Variants in PXDN observed in about 807,000 individuals in gnomAD.
PXDN encodes the protein peroxidasin, also known as peroxidasin homolog.
Under a neutral mutation model 140.3 loss-of-function variants are expected in PXDN, and 77 were observed. That is an observed-to-expected ratio of 0.55 (90% CI 0.46 to 0.66). The LOEUF is 0.66. Ranked by LOEUF, PXDN falls within the 30% of genes least tolerant of loss-of-function variation. PXDN has a pLI of 0.00. For missense variants in PXDN, 1,838 were observed against 2,039.5 expected, an observed-to-expected ratio of 0.90 and a Z score of 1.90; for synonymous variants, 911 against 857.4, an observed-to-expected ratio of 1.06 and a Z score of -1.09.
intron 15 of PXDN, 145 bp from the exon 16 acceptor site, chr2:1,653,930 G>A: frequency 5.0e-6 from 5 of 997,150 alleles, no homozygotes; most frequent in Middle Eastern, 2.5e-4. Context: ...CTCATCCGAA[G>A]TGGGAGGCAA....
intron 1 of PXDN, among the ~76,000 whole-genome samples, chr2:1,738,320 C>T (rs1685464116): frequency 6.6e-6 from 1 of 152,162 alleles, no homozygotes; most frequent in Non-Finnish European, 1.5e-5. Context: ...CAGCTCCAGG[C>T]CCTGAGTAGG....
Position 1,634,784 on chromosome 2 carries a change from G to A in PXDN, c.4321-461C>T, listed in dbSNP as rs111405802. Among the ~76,000 whole-genome samples the A allele has an allele frequency of 5.5e-4, 83 of 152,268 alleles. 1 individual carries two copies. The highest frequency in any genetic ancestry group is 1.7e-3 in the African/African-American group (69 of 41,540). On this transcript the variant is annotated intron_variant, in intron 22 of 22. Coordinates refer to ENST00000252804, the MANE Select transcript of PXDN (RefSeq NM_012293.3). Reference sequence around the variant, plus strand: ...CTGACCAGCTCAGGGACACTGATGCGCGTCCTCTCCCAATGGCCATGGCAA... The same window carrying A: ...CTGACCAGCTCAGGGACACTGATGCACGTCCTCTCCCAATGGCCATGGCAA...
rs1380293697 is a variant in PXDN at position 1,639,693 on chromosome 2, C to T, written c.3953-271G>A. On this transcript the variant is annotated intron_variant, in intron 19 of 22. Transcript: ENST00000252804. The surrounding 1 kb of genome is among the most constrained non-coding windows in gnomAD (Gnocchi z 5.0). ...GGCACACTGAGGAGGCTCACCACGC[C>T]ATCTAACCACACCCTCGCGGAGTTC... 6.6e-6 allele frequency among the ~76,000 whole-genome samples: 1 copy of T among 152,218 alleles called. No homozygotes were observed. Among genetic ancestry groups the T allele is most frequent in the Non-Finnish European group, 1.5e-5 (1 of 68,030 alleles).
chr2:1,679,088 A>ATGTGTGTGTGTGTG (rs111613941), intron 7 of PXDN, among the ~76,000 whole-genome samples: 3 of 147,952 alleles, frequency 2.0e-5, no homozygotes, highest in South Asian at 4.3e-4. Flanking sequence ...ATGTGCATGC[A>ATGTGTGTGTGTGTG]TGTGTGTGTG....
chr2:1,734,758 T>C (rs1464362775), intron 1 of PXDN, among the ~76,000 whole-genome samples: 2 of 152,146 alleles, frequency 1.3e-5, no homozygotes, highest in Admixed American at 6.5e-5. Flanking sequence ...TCTCAGCTAC[T>C]CGGGAGGCTG....
rs1331104329 is a variant in PXDN at position 1,658,085 on chromosome 2, T to TCCCC, written c.1837+2795_1837+2796insGGGG. ...CTCTCTCTCTCTCTCTCTCTCTCTCTCTCTCTCTGTTACAGTGTCTGCGTG... is the reference window on the plus strand; with the variant it reads ...CTCTCTCTCTCTCTCTCTCTCTCTCTCCCCCTCTCTCTGTTACAGTGTCTGCGTG... On this transcript the variant is annotated intron_variant, in intron 14 of 22. Transcript: ENST00000252804. Among the ~76,000 whole-genome samples, 9 of 122,242 alleles carry TCCCC rather than the reference T, an allele frequency of 7.4e-5. 2 individuals are homozygous for TCCCC. The highest frequency in any genetic ancestry group is 2.9e-4 in the African/African-American group (9 of 31,096). The allele number at this position is 122,242 out of a possible 152,430, so 80.2% of individuals were successfully genotyped here.
chr2:1,721,148 A>G (rs902576931), intron 1 of PXDN, among the ~76,000 whole-genome samples: 1 of 152,222 alleles, frequency 6.6e-6, no homozygotes, highest in African/African-American at 2.4e-5. Flanking sequence ...GTCTCAGCAC[A>G]TATCTGGGTG....
intron 9 of PXDN, among the ~76,000 whole-genome samples, chr2:1,666,853 G>A (rs74578503): frequency 0.04 from 6,109 of 152,156 alleles, 309 homozygotes; most frequent in East Asian, 0.13. Flanking sequence ...ACAAATTATT[G>A]TTAGGGAAGT....
At chr2:1,718,898 G>C (rs964906621) in intron 1 of PXDN, among the ~76,000 whole-genome samples, 1 of 152,258 alleles carries the variant, frequency 6.6e-6, no homozygotes, top group East Asian at 1.9e-4. Flanking sequence ...CCAGCAACTT[G>C]CCACAACTCC....
chr2:1,727,256 C>T (rs900256378), intron 1 of PXDN, among the ~76,000 whole-genome samples: 4 of 152,248 alleles, frequency 2.6e-5, no homozygotes, highest in African/African-American at 9.6e-5. Context: ...CCTCCTGCTC[C>T]CTCCTCCTGA....
intron 8 of PXDN, among the ~76,000 whole-genome samples, chr2:1,675,317 C>T (rs1375553591): frequency 6.6e-6 from 1 of 152,206 alleles, no homozygotes; most frequent in African/African-American, 2.4e-5. Context: ...GGCTCTAGCT[C>T]TGCCATATTT....
intron 17 of PXDN, chr2:1,646,205 AAT>A (rs1682847124): frequency 6.6e-6 from 1 of 152,234 alleles, no homozygotes; most frequent in African/African-American, 2.4e-5. Context: ...CTTAGTCAGC[AAT>A]GGGCTGAGAC....
intron 1 of PXDN, among the ~76,000 whole-genome samples, chr2:1,724,384 G>T (rs1472860505): frequency 6.6e-6 from 1 of 150,606 alleles, no homozygotes; most frequent in East Asian, 2.0e-4. Context: ...TTTATAGTAG[G>T]TTCTTTTGAC....
At chr2:1,647,035 C>T (rs1682864174) in intron 17 of PXDN, among the ~76,000 whole-genome samples, 1 of 152,036 alleles carries the variant, frequency 6.6e-6, no homozygotes, top group African/African-American at 2.4e-5. Flanking sequence ...GCTGGGATTA[C>T]AGGCGCCTGC....
intron 17 of PXDN, among the ~76,000 whole-genome samples, chr2:1,645,729 T>C (rs1399918899): frequency 2.6e-5 from 4 of 152,228 alleles, no homozygotes; most frequent in African/African-American, 7.2e-5. Context: ...TGAAACTTGG[T>C]CGGGAGGACC....
At chr2:1,677,590 C>T (rs1239514585) in intron 7 of PXDN, among the ~76,000 whole-genome samples, 4 of 152,182 alleles carry the variant, frequency 2.6e-5, no homozygotes, top group Non-Finnish European at 4.4e-5. Context: ...GTGCCCGTGA[C>T]TCCACATGGC....
intron 1 of PXDN, among the ~76,000 whole-genome samples, chr2:1,695,805 C>T (rs867435578): frequency 0.014 from 1,254 of 87,992 alleles, 34 homozygotes; most frequent in African/African-American, 0.06. Context: ...CATCCACAGG[C>T]CCCTGTGCCC....
Position 1,744,382 on chromosome 2 carries a change from A to T in PXDN, c.74T>A (p.Leu25Gln). The T allele has an allele frequency of 3.3e-6, 5 of 1,526,354 alleles. No homozygotes were observed. The highest frequency in any genetic ancestry group is 1.4e-5 in the African/African-American group (1 of 71,522). 94.6% of individuals were successfully genotyped at this position (1,526,354 alleles called of 1,614,324 possible). The change falls in exon 1 of 23, where the codon CTG becomes CAG. Residue 25 changes from leucine (L) to glutamine (Q), a missense_variant. By Grantham distance (113) the Leu-to-Gln change is moderately radical. Around this residue, in one of 5 missense-constraint regions of PXDN, gnomAD observed 231 missense variants for 201.5 expected, o/e 1.15. Transcript: ENST00000252804. Reference protein sequence around the residue: ...ALVLFCAWGTLAVVAQKPGAG... With the variant: ...ALVLFCAWGTQAVVAQKPGAG... ...GCCCGGCTTCTGGGCCACCACGGCC[A>T]GCGTCCCCCAGGCGCAGAACAGCAC...
At chr2:1,689,204 G>A (rs957625248) in intron 3 of PXDN, among the ~76,000 whole-genome samples, 1 of 152,170 alleles carries the variant, frequency 6.6e-6, no homozygotes, top group Non-Finnish European at 1.5e-5. Context: ...TAATGTGTGT[G>A]TATATATATA....
Sources: allele counts gnomAD v4.1 joint callset (sites outside exome capture counted in the v4.1 genomes callset), GRCh38; gene constraint gnomAD v4.1.1; regional missense constraint gnomAD v4.1.1; non-coding constraint Gnocchi (gnomAD v3.1); transcripts MANE v1.5; gene names NCBI Gene and HGNC (gene_info 2026-07-23, HGNC 2026-07-21).